WDFY2: variants seen among roughly 807,000 people sequenced by gnomAD.
WDFY2 encodes WD repeat and FYVE domain-containing protein 2.
In WDFY2, 36 loss-of-function variants were observed where a neutral mutation model predicts 56.4. The observed-to-expected ratio is 0.64, with a 90% CI of 0.49 to 0.84. WDFY2 has a LOEUF of 0.84. Ranked by LOEUF, WDFY2 falls within the 40% of genes least tolerant of loss-of-function variation. The pLI, the probability that WDFY2 is intolerant of heterozygous loss-of-function variation, is 0.00. For synonymous variants in WDFY2, 176 were observed against 183.7 expected (o/e 0.96, Z 0.34); for missense variants, 444 against 512.2 (o/e 0.87, Z 1.29).
intron 1 of WDFY2, among the ~76,000 whole-genome samples, chr13:51,604,077 G>A (rs932437005): frequency 1.1e-4 from 16 of 152,188 alleles, no homozygotes; most frequent in African/African-American, 3.4e-4. Flanking sequence ...ATCAATTTTT[G>A]TGTGAAATAT....
At chr13:51,586,722 C>T (rs1292199927) in intron 1 of WDFY2, 2 of 152,250 alleles carry the variant, frequency 1.3e-5, no homozygotes, top group East Asian at 3.9e-4. Context: ...ATGCAATGTT[C>T]AGCTATGTCT....
At chr13:51,633,539 A>G (rs1345433207) in intron 1 of WDFY2, among the ~76,000 whole-genome samples, 1 of 152,208 alleles carries the variant, frequency 6.6e-6, no homozygotes, top group African/African-American at 2.4e-5. Context: ...CTGGCTGCTA[A>G]TTGGCCTCTC....
intron 2 of WDFY2, among the ~76,000 whole-genome samples, chr13:51,670,189 T>G (rs1955781706): frequency 6.6e-6 from 1 of 152,170 alleles, no homozygotes; most frequent in Non-Finnish European, 1.5e-5. Flanking sequence ...CCTTTGATAT[T>G]TGTCTTGCAT....
chr13:51,737,541 A>G (rs1031372602), intron 6 of WDFY2, among the ~76,000 whole-genome samples: 2 of 131,010 alleles, frequency 1.5e-5, no homozygotes, highest in Non-Finnish European at 3.2e-5. Flanking sequence ...GGGGCAGGAG[A>G]CAATGAATTT....
At chr13:51,604,698 C>G (rs924134781) in intron 1 of WDFY2, among the ~76,000 whole-genome samples, 2 of 152,202 alleles carry the variant, frequency 1.3e-5, no homozygotes, top group Non-Finnish European at 2.9e-5. Context: ...CCACATGTGG[C>G]TAATGGCTAC....
intron 7 of WDFY2, among the ~76,000 whole-genome samples, chr13:51,749,147 A>G (rs1263041199): frequency 6.6e-6 from 1 of 152,204 alleles, no homozygotes; most frequent in African/African-American, 2.4e-5. Context: ...TTTACAGAAT[A>G]TGTGACTTAT....
At chr13:51,627,940 G>A (rs1471902220) in intron 1 of WDFY2, among the ~76,000 whole-genome samples, 1 of 152,166 alleles carries the variant, frequency 6.6e-6, no homozygotes, top group East Asian at 1.9e-4. Flanking sequence ...GTTTTTATGG[G>A]CTTCAGAGGG....
intron 1 of WDFY2, among the ~76,000 whole-genome samples, chr13:51,615,474 C>T (rs1954593616): frequency 6.6e-6 from 1 of 151,950 alleles, no homozygotes; most frequent in South Asian, 2.1e-4. Flanking sequence ...CTGTTGATAC[C>T]ATCACTTTGA....
intron 1 of WDFY2, among the ~76,000 whole-genome samples, chr13:51,624,733 A>G (rs1954808378): frequency 6.6e-6 from 1 of 152,242 alleles, no homozygotes; most frequent in African/African-American, 2.4e-5. Context: ...AGGAATGGCT[A>G]GAGCACTTCT....
chr13:51,594,522 T>C (rs2138295051), intron 1 of WDFY2, among the ~76,000 whole-genome samples: 1 of 152,358 alleles, frequency 6.6e-6, no homozygotes, highest in Non-Finnish European at 1.5e-5. Context: ...CAGGGCCTGC[T>C]GTGGCCTCTG....
At chr13:51,670,356 A>G (rs888800603) in intron 2 of WDFY2, among the ~76,000 whole-genome samples, 1 of 152,180 alleles carries the variant, frequency 6.6e-6, no homozygotes, top group Non-Finnish European at 1.5e-5. Flanking sequence ...AAATCGAGGC[A>G]TCAATATTCT....
chr13:51,646,281 G>A (rs1473399194), intron 1 of WDFY2, among the ~76,000 whole-genome samples: 1 of 152,150 alleles, frequency 6.6e-6, no homozygotes, highest in East Asian at 1.9e-4. Context: ...TGCCTCCCTG[G>A]GCGGCAGAGG....
At chr13:51,683,041 C>A (rs1424460506) in intron 3 of WDFY2, among the ~76,000 whole-genome samples, 1 of 152,180 alleles carries the variant, frequency 6.6e-6, no homozygotes, top group Non-Finnish European at 1.5e-5. Context: ...CAAGTTGTTG[C>A]CATTTTAATC....
intron 5 of WDFY2, among the ~76,000 whole-genome samples, chr13:51,725,700 T>A (rs960220128): frequency 3.3e-5 from 5 of 151,820 alleles, no homozygotes; most frequent in African/African-American, 9.7e-5. Flanking sequence ...ACACAATTTT[T>A]TTTTTTTTTT....
At chr13:51,601,858 A>T (rs999790328) in intron 1 of WDFY2, among the ~76,000 whole-genome samples, 2 of 152,184 alleles carry the variant, frequency 1.3e-5, no homozygotes, top group African/African-American at 4.8e-5. Context: ...GCCTCCATGG[A>T]AATCACAACA....
At chr13:51,715,202 TC>T (rs1188123344) in intron 4 of WDFY2, among the ~76,000 whole-genome samples, 13 of 152,196 alleles carry the variant, frequency 8.5e-5, no homozygotes, top group Non-Finnish European at 1.6e-4. Context: ...AAATATTTTT[TC>T]AATAATAAAC....
chr13:51,660,477 T>C, intron 1 of WDFY2, 119 bp from the exon 2 acceptor site: 1 of 856,530 alleles, frequency 1.2e-6, no homozygotes, highest in Non-Finnish European at 1.8e-6. Context: ...TGGGACAGGC[T>C]TGAGCCACCG....
intron 1 of WDFY2, 137 bp downstream of exon 1, chr13:51,584,961 GT>G (rs1264201022): frequency 8.1e-7 from 1 of 1,241,716 alleles, no homozygotes; most frequent in Non-Finnish European, 1.1e-6. Context: ...GCGCATCCTG[GT>G]GGTGCCGGTG....
chr13:51,708,139 C>A (rs1952127820), intron 4 of WDFY2, among the ~76,000 whole-genome samples: 1 of 151,334 alleles, frequency 6.6e-6, no homozygotes, highest in African/African-American at 2.4e-5. Flanking sequence ...GCCTTGGCTT[C>A]CCAAAGTGCT....
Sources: gnomAD v4.1 joint callset for allele counts (sites outside exome capture counted in the v4.1 genomes callset) on GRCh38, gnomAD v4.1.1 for gene constraint, MANE v1.5 for transcripts, NCBI Gene and HGNC (gene_info 2026-07-23, HGNC 2026-07-21) for gene names.